The following NRXN3 variants were observed in gnomAD, a reference collection of about 807,000 sequenced individuals.
The protein encoded by NRXN3 is neurexin III.
Under a neutral mutation model 137.6 loss-of-function variants are expected in NRXN3, and 32 were observed. The observed-to-expected ratio is 0.23, with a 90% CI of 0.18 to 0.31. NRXN3 has a LOEUF of 0.31. Among genes scored for constraint, NRXN3 ranks in the 10% least tolerant of loss-of-function variants. The pLI is 1.00. For missense variants in NRXN3, 1,574 were observed against 2,062.5 expected (o/e 0.76, Z 4.59); for synonymous variants, 798 against 784.5 (o/e 1.02, Z -0.29).
At chr14:79,430,630 A>G (rs1210568661) in intron 15 of NRXN3, among the ~76,000 whole-genome samples, 1 of 152,172 alleles carries the variant, frequency 6.6e-6, no homozygotes, top group Non-Finnish European at 1.5e-5. Flanking sequence ...TCTGAGTACA[A>G]AAACTCATTA....
chr14:78,333,523 G>T (rs556386601), intron 4 of NRXN3, among the ~76,000 whole-genome samples: 2 of 152,290 alleles, frequency 1.3e-5, no homozygotes, highest in South Asian at 2.1e-4. Flanking sequence ...ATAGATAGAT[G>T]CTGGTAGGTG....
At chr14:78,573,761 C>G (rs141057960) in intron 4 of NRXN3, among the ~76,000 whole-genome samples, 27 of 152,194 alleles carry the variant, frequency 1.8e-4, no homozygotes, top group Admixed American at 1.2e-3. Flanking sequence ...TGCAGCCTGA[C>G]GATGCGATAG....
chr14:78,189,550 A>C (rs1595739655), intron 1 of NRXN3, among the ~76,000 whole-genome samples: 1 of 147,482 alleles, frequency 6.8e-6, no homozygotes, highest in African/African-American at 2.5e-5. Flanking sequence ...TCCCAGTCCC[A>C]CCTCCAAGCC....
chr14:79,198,389 G>T (rs922272291), intron 15 of NRXN3, among the ~76,000 whole-genome samples: 2 of 152,170 alleles, frequency 1.3e-5, no homozygotes, highest in African/African-American at 2.4e-5. Flanking sequence ...GAACAGCCAA[G>T]GACAATCTGT....
At chr14:79,667,958 A>G (rs188349058) in intron 17 of NRXN3, among the ~76,000 whole-genome samples, 2 of 152,174 alleles carry the variant, frequency 1.3e-5, no homozygotes, top group African/African-American at 2.4e-5. Context: ...AGCATGGTCC[A>G]GTAAAGGCTT....
intron 2 of NRXN3, among the ~76,000 whole-genome samples, chr14:78,277,372 A>G (rs1044671644): frequency 4.6e-5 from 7 of 152,162 alleles, no homozygotes; most frequent in African/African-American, 1.7e-4. Flanking sequence ...GATCACTTTA[A>G]TCTGCAAACC....
At chr14:79,326,714 G>A (rs1050413733) in intron 15 of NRXN3, among the ~76,000 whole-genome samples, 59 of 152,158 alleles carry the variant, frequency 3.9e-4, no homozygotes, top group Non-Finnish European at 1.0e-4. Flanking sequence ...TGCTTTGAGA[G>A]AAAGCCACAT....
At chr14:78,320,921 T>C (rs1410871214) in intron 4 of NRXN3, among the ~76,000 whole-genome samples, 1 of 151,818 alleles carries the variant, frequency 6.6e-6, no homozygotes, top group Non-Finnish European at 1.5e-5. Context: ...ATCAAGACCA[T>C]CCTGCCCAAC....
chr14:78,495,122 GGTGT>G (rs199921709), intron 4 of NRXN3, among the ~76,000 whole-genome samples: 1 of 75,152 alleles, frequency 1.3e-5, no homozygotes, highest in East Asian at 3.9e-4. Flanking sequence ...GTATATGTGG[GGTGT>G]GTGTGTGCGT....
At chr14:79,711,265 C>CCACA (rs2098803166) in intron 19 of NRXN3, among the ~76,000 whole-genome samples, 1 of 151,998 alleles carries the variant, frequency 6.6e-6, no homozygotes, top group African/African-American at 2.4e-5. Context: ...AGATTGAGCC[C>CCACA]CACACAACCA....
At chr14:78,270,696 A>G (rs1038179188) in intron 2 of NRXN3, among the ~76,000 whole-genome samples, 34 of 152,208 alleles carry the variant, frequency 2.2e-4, no homozygotes, top group Non-Finnish European at 4.1e-4. Context: ...AATGTTTACT[A>G]TGTGCCTGGC....
chr14:78,932,604 G>A (rs1205763379), intron 10 of NRXN3, among the ~76,000 whole-genome samples: 1 of 152,132 alleles, frequency 6.6e-6, no homozygotes, highest in African/African-American at 2.4e-5. Context: ...GTGGACAGAG[G>A]TCTTAAGGGT....
At chr14:78,967,165 CG>C (rs35728264) in intron 12 of NRXN3, 42 bp from the exon 13 acceptor site, 1 of 1,555,868 alleles carries the variant, frequency 6.4e-7, no homozygotes, top group African/African-American at 1.4e-5. Flanking sequence ...TAAACCACTT[CG>C]GGGATTTTCC....
chr14:79,579,961 C>T (rs1370847187), intron 16 of NRXN3, among the ~76,000 whole-genome samples: 1 of 152,208 alleles, frequency 6.6e-6, no homozygotes, highest in Admixed American at 6.5e-5. Context: ...CCCATTCCAG[C>T]CTCTGGTATC....
chr14:78,531,177 T>C (rs557042912), intron 4 of NRXN3, among the ~76,000 whole-genome samples: 38 of 152,286 alleles, frequency 2.5e-4, no homozygotes, highest in African/African-American at 8.9e-4. Context: ...GCTACTTTCA[T>C]GAGGAAGCTT....
At chr14:78,240,833 A>G (rs2066991837) in intron 1 of NRXN3, among the ~76,000 whole-genome samples, 1 of 152,204 alleles carries the variant, frequency 6.6e-6, no homozygotes, top group Non-Finnish European at 1.5e-5. Flanking sequence ...AAGGAACAGC[A>G]GCTTCCTCTT....
intron 10 of NRXN3, among the ~76,000 whole-genome samples, chr14:78,905,569 T>C (rs1398599253): frequency 2.0e-5 from 3 of 152,050 alleles, no homozygotes; most frequent in Non-Finnish European, 4.4e-5. Flanking sequence ...ACAAAGCCTA[T>C]TAATATTTTA....
At chr14:78,250,968 G>GAA (rs2068529318) in intron 2 of NRXN3, among the ~76,000 whole-genome samples, 1 of 152,188 alleles carries the variant, frequency 6.6e-6, no homozygotes, top group Non-Finnish European at 1.5e-5. Context: ...GAGAGAGAGA[G>GAA]AGAGGGAGAA....
chr14:78,797,266 G>GTTTTATT (rs2098824772), intron 8 of NRXN3, among the ~76,000 whole-genome samples: 2 of 152,152 alleles, frequency 1.3e-5, no homozygotes, highest in Admixed American at 6.5e-5. Flanking sequence ...GAGGAACAGG[G>GTTTTATT]TTAGTGTCCA....
Sources: gnomAD v4.1 joint callset for allele counts (sites outside exome capture counted in the v4.1 genomes callset) on GRCh38, gnomAD v4.1.1 for gene constraint, MANE v1.5 for transcripts, NCBI Gene and HGNC (gene_info 2026-07-23, HGNC 2026-07-21) for gene names.